The following PIP5K1B variants were observed in gnomAD, a reference collection of about 807,000 sequenced individuals.
PIP5K1B encodes the protein phosphatidylinositol 4-phosphate 5-kinase type-1 beta.
A neutral mutation model predicts 67.0 loss-of-function variants in PIP5K1B; 42 were observed. The ratio of observed to expected loss-of-function variants is 0.63; its 90% confidence interval spans 0.49 to 0.81. The LOEUF is 0.81. Among genes scored for constraint, PIP5K1B ranks in the 30% least tolerant of loss-of-function variants. PIP5K1B has a pLI of 0.00. For missense variants in PIP5K1B, 459 were observed against 646.3 expected, an observed-to-expected ratio of 0.71 and a Z score of 3.14; for synonymous variants, 214 against 231.4, an observed-to-expected ratio of 0.92 and a Z score of 0.68.
intron 4 of PIP5K1B, among the ~76,000 whole-genome samples, chr9:68,851,288 A>C (rs1465579032): frequency 6.6e-6 from 1 of 152,224 alleles, no homozygotes. Flanking sequence ...GCTTGATAAA[A>C]AGGGAAAGTT....
chr9:68,828,443 T>C (rs1834102167), intron 4 of PIP5K1B, among the ~76,000 whole-genome samples: 1 of 152,222 alleles, frequency 6.6e-6, no homozygotes, highest in South Asian at 2.1e-4. Context: ...ACAGGATCCT[T>C]GACCCAAATG....
intron 4 of PIP5K1B, 73 bp downstream of exon 4, chr9:68,822,756 T>G: frequency 2.0e-6 from 2 of 996,138 alleles, no homozygotes; most frequent in South Asian, 1.4e-5. Flanking sequence ...TCAAAGGCCT[T>G]TCCTTCTCCC....
intron 14 of PIP5K1B, among the ~76,000 whole-genome samples, chr9:68,967,770 T>A (rs892381721): frequency 1.3e-5 from 2 of 152,150 alleles, no homozygotes; most frequent in Non-Finnish European, 1.5e-5. Context: ...CTCATGGACA[T>A]ACTGGTGTTA....
intron 2 of PIP5K1B, among the ~76,000 whole-genome samples, chr9:68,764,228 G>A (rs1365351514): frequency 6.6e-6 from 1 of 151,574 alleles, no homozygotes; most frequent in African/African-American, 2.4e-5. Flanking sequence ...AACAATAAGT[G>A]GTCTCCATAG....
At chr9:68,874,756 T>G (rs1441938478) in intron 5 of PIP5K1B, among the ~76,000 whole-genome samples, 3 of 152,108 alleles carry the variant, frequency 2.0e-5, no homozygotes, top group African/African-American at 7.2e-5. Context: ...ATGAGTTACT[T>G]TGTATGGGAT....
At chr9:68,735,847 G>A (rs1261483543) in intron 1 of PIP5K1B, among the ~76,000 whole-genome samples, 2 of 152,186 alleles carry the variant, frequency 1.3e-5, no homozygotes, top group African/African-American at 4.8e-5. Flanking sequence ...AGCAGAGACA[G>A]GGAGGAAGCA....
intron 13 of PIP5K1B, among the ~76,000 whole-genome samples, chr9:68,939,503 C>G (rs576359613): frequency 6.6e-6 from 1 of 152,332 alleles, no homozygotes; most frequent in Non-Finnish European, 1.5e-5. Context: ...AGATTGCAAG[C>G]CAGGTGTCAC....
At chr9:68,996,617 C>G (rs1441289089) in intron 15 of PIP5K1B, among the ~76,000 whole-genome samples, 1 of 152,198 alleles carries the variant, frequency 6.6e-6, no homozygotes, top group African/African-American at 2.4e-5. Context: ...CCCAGATATT[C>G]TAAGGCACCG....
At chr9:68,706,805 G>C (rs1270474921) in intron 1 of PIP5K1B, among the ~76,000 whole-genome samples, 1 of 152,154 alleles carries the variant, frequency 6.6e-6, no homozygotes, top group African/African-American at 2.4e-5. Context: ...GTCTCGGTTT[G>C]GGGAACCCCT....
At chr9:68,876,465 A>G (rs1192853733) in intron 5 of PIP5K1B, among the ~76,000 whole-genome samples, 1 of 152,166 alleles carries the variant, frequency 6.6e-6, no homozygotes, top group Non-Finnish European at 1.5e-5. Flanking sequence ...ATTGACAGGG[A>G]AAGCCTGCAC....
intron 2 of PIP5K1B, chr9:68,788,734 TG>T: frequency 3.7e-6 from 1 of 269,428 alleles, no homozygotes. Context: ...GGCATCTGGC[TG>T]GTGACTATCA....
At chr9:68,907,168 A>T (rs1182466438) in intron 8 of PIP5K1B, among the ~76,000 whole-genome samples, 1 of 152,192 alleles carries the variant, frequency 6.6e-6, no homozygotes, top group African/African-American at 2.4e-5. Context: ...TATTCTGTTT[A>T]TTCAAAGTTG....
intron 2 of PIP5K1B, among the ~76,000 whole-genome samples, chr9:68,753,444 A>G (rs1317357604): frequency 6.1e-5 from 9 of 147,550 alleles, no homozygotes; most frequent in African/African-American, 1.8e-4. Flanking sequence ...GGTTTAAGCA[A>G]TTCTCCTGCC....
intron 8 of PIP5K1B, among the ~76,000 whole-genome samples, chr9:68,906,462 T>A (rs1825616534): frequency 6.6e-6 from 1 of 152,224 alleles, no homozygotes; most frequent in Admixed American, 6.5e-5. Flanking sequence ...AAGGACAATC[T>A]GTTATTCATG....
intron 2 of PIP5K1B, among the ~76,000 whole-genome samples, chr9:68,765,532 G>A (rs996559772): frequency 6.6e-6 from 1 of 152,022 alleles, no homozygotes; most frequent in East Asian, 1.9e-4. Context: ...AAATGTACAA[G>A]GCATGCATTT....
intron 5 of PIP5K1B, among the ~76,000 whole-genome samples, chr9:68,868,634 A>G (rs1016334225): frequency 1.3e-5 from 2 of 152,258 alleles, no homozygotes; most frequent in African/African-American, 4.8e-5. Flanking sequence ...TTAGAATTAT[A>G]GACCTCAGTC....
intron 1 of PIP5K1B, among the ~76,000 whole-genome samples, chr9:68,717,696 G>C (rs995164874): frequency 1.3e-5 from 2 of 152,040 alleles, no homozygotes; most frequent in Non-Finnish European, 2.9e-5. Context: ...ATCATCTTGG[G>C]GTTAGGATTT....
At chr9:68,759,327 C>T (rs889805066) in intron 2 of PIP5K1B, among the ~76,000 whole-genome samples, 4 of 152,092 alleles carry the variant, frequency 2.6e-5, no homozygotes, top group African/African-American at 9.7e-5. Flanking sequence ...TAAGGGGACT[C>T]ATGGCGTGTT....
chr9:68,985,912 A>G (rs968524386), intron 14 of PIP5K1B, among the ~76,000 whole-genome samples: 3 of 152,208 alleles, frequency 2.0e-5, no homozygotes, highest in African/African-American at 7.2e-5. Context: ...AATGTTTTCA[A>G]GGTTTCCTCA....
Sources: gnomAD v4.1 joint callset for allele counts (sites outside exome capture counted in the v4.1 genomes callset) on GRCh38, gnomAD v4.1.1 for gene constraint, MANE v1.5 for transcripts, NCBI Gene and HGNC (gene_info 2026-07-23, HGNC 2026-07-21) for gene names.